PALM2AKAP2: variants seen among roughly 807,000 people sequenced by gnomAD.
PALM2AKAP2 encodes PALM2-AKAP2 fusion protein.
In PALM2AKAP2, 37 loss-of-function variants were observed where a neutral mutation model predicts 71.5. The observed-to-expected ratio is 0.52, with a 90% CI of 0.40 to 0.68. The LOEUF is 0.68. Among genes scored for constraint, PALM2AKAP2 ranks in the 30% least tolerant of loss-of-function variants. The pLI, the probability that PALM2AKAP2 is intolerant of heterozygous loss-of-function variation, is 0.00. For missense variants in PALM2AKAP2, 1,224 were observed against 1,191.8 expected (o/e 1.03, Z -0.40); for synonymous variants, 468 against 478.8 (o/e 0.98, Z 0.29).
At chr9:110,029,934 C>A (rs1045148052) in intron 7 of PALM2AKAP2, among the ~76,000 whole-genome samples, 1 of 152,188 alleles carries the variant, frequency 6.6e-6, no homozygotes, top group African/African-American at 2.4e-5. Flanking sequence ...TGTCCTTCTG[C>A]AACTGGTCAG....
intron 6 of PALM2AKAP2, among the ~76,000 whole-genome samples, chr9:109,959,401 T>G (rs1222956637): frequency 6.6e-6 from 1 of 152,028 alleles, no homozygotes; most frequent in Non-Finnish European, 1.5e-5. Context: ...ATCCCAGCAC[T>G]TTGGAGGCCG....
chr9:109,784,028 G>A (rs2182815), intron 1 of PALM2AKAP2, among the ~76,000 whole-genome samples: 26,369 of 152,102 alleles, frequency 0.17, 2,454 homozygotes, highest in South Asian at 0.31. Flanking sequence ...GCCAAAAGAA[G>A]AGCAAGTCCA....
At position 110,162,805 on chromosome 9, in the gene PALM2AKAP2, C is replaced by T. The variant is rs148774808; in HGVS notation, c.2749-5594C>T. Among the ~76,000 whole-genome samples the T allele has an allele frequency of 1.2e-3, 182 of 152,268 alleles. 1 individual carries two copies. The highest frequency in any genetic ancestry group is 3.9e-3 in the African/African-American group (162 of 41,560). On this transcript the variant is annotated intron_variant, in intron 3 of 3. Transcript: ENST00000374525. ...GTAGCCTTAACCTCCTGGGCTCAAG[C>T]GATCCTCCTATCTCAGCCTCCCAAA...
chr9:109,897,691 A>G (rs1001654310), intron 3 of PALM2AKAP2, among the ~76,000 whole-genome samples: 2 of 152,244 alleles, frequency 1.3e-5, no homozygotes, highest in African/African-American at 4.8e-5. Context: ...AAATTTTTTC[A>G]CCAGGCATTT....
chr9:109,678,985 C>T (rs1406480475), intron 1 of PALM2AKAP2, among the ~76,000 whole-genome samples: 1 of 152,132 alleles, frequency 6.6e-6, no homozygotes, highest in Non-Finnish European at 1.5e-5. Flanking sequence ...ACGTTTAGGG[C>T]TTAGATATGC....
chr9:109,758,489 T>G (rs1360590703), intron 1 of PALM2AKAP2, among the ~76,000 whole-genome samples: 1 of 152,042 alleles, frequency 6.6e-6, no homozygotes, highest in Non-Finnish European at 1.5e-5. Context: ...CTAGCAAACT[T>G]GGTACATTTT....
chr9:109,772,845 G>A (rs1200352588), intron 1 of PALM2AKAP2, among the ~76,000 whole-genome samples: 1 of 152,226 alleles, frequency 6.6e-6, no homozygotes, highest in East Asian at 1.9e-4. Context: ...CGGGCCGGGT[G>A]TAGTGGTTCA....
intron 3 of PALM2AKAP2, among the ~76,000 whole-genome samples, 178 bp downstream of exon 10, chr9:110,162,310 G>A (rs914312569): frequency 1.5e-4 from 23 of 152,268 alleles, no homozygotes; most frequent in African/African-American, 5.5e-4. Flanking sequence ...TGGAGTCCAT[G>A]CAACAGTGAT....
At chr9:109,677,460 G>T (rs1328986176) in intron 1 of PALM2AKAP2, among the ~76,000 whole-genome samples, 1 of 152,132 alleles carries the variant, frequency 6.6e-6, no homozygotes, top group East Asian at 1.9e-4. Flanking sequence ...CTGAGCTCAG[G>T]AGTTGAAGAC....
chr9:109,971,436 C>G (rs1482557590), intron 6 of PALM2AKAP2, among the ~76,000 whole-genome samples: 1 of 151,924 alleles, frequency 6.6e-6, no homozygotes, highest in Non-Finnish European at 1.5e-5. Flanking sequence ...TGAATTGCCT[C>G]TCAGGTCTGA....
chr9:109,937,330 AC>A (rs776328249), intron 6 of PALM2AKAP2, among the ~76,000 whole-genome samples: 1 of 152,114 alleles, frequency 6.6e-6, no homozygotes, highest in Non-Finnish European at 1.5e-5. Flanking sequence ...GGAATTCTCA[AC>A]CTCAACTTAA....
chr9:109,860,315 A>G (rs920569513), intron 1 of PALM2AKAP2, among the ~76,000 whole-genome samples: 2 of 152,236 alleles, frequency 1.3e-5, no homozygotes, highest in African/African-American at 4.8e-5. Flanking sequence ...AAAGGTAATT[A>G]TAACCCAACC....
At chr9:109,934,124 T>C (rs1308722749) in intron 6 of PALM2AKAP2, among the ~76,000 whole-genome samples, 1 of 152,222 alleles carries the variant, frequency 6.6e-6, no homozygotes, top group Non-Finnish European at 1.5e-5. Flanking sequence ...AATCATTGCT[T>C]TTCAGAATTA....
At chr9:109,968,531 G>A (rs1832000357) in intron 6 of PALM2AKAP2, among the ~76,000 whole-genome samples, 2 of 152,144 alleles carry the variant, frequency 1.3e-5, no homozygotes, top group South Asian at 4.2e-4. Flanking sequence ...CAAGACAAAA[G>A]TCCCTGTCTC....
intron 6 of PALM2AKAP2, chr9:109,943,607 T>C (rs1256789041): frequency 1.9e-5 from 15 of 777,392 alleles, no homozygotes; most frequent in Non-Finnish European, 3.1e-5. Flanking sequence ...AACGTGCATG[T>C]GTGTGCTTCA....
intron 1 of PALM2AKAP2, among the ~76,000 whole-genome samples, chr9:109,807,315 A>G (rs1475527928): frequency 2.6e-5 from 4 of 152,190 alleles, no homozygotes; most frequent in Non-Finnish European, 4.4e-5. Flanking sequence ...TTGGTCTGAT[A>G]CCTAGGTGGA....
intron 1 of PALM2AKAP2, among the ~76,000 whole-genome samples, chr9:110,057,041 C>T (rs1026122093): frequency 4.6e-5 from 7 of 151,984 alleles, no homozygotes; most frequent in South Asian, 2.1e-4. Context: ...TTCCCAGGGA[C>T]GCCTTGTCCT....
intron 1 of PALM2AKAP2, among the ~76,000 whole-genome samples, chr9:109,785,571 A>G (rs771198015): frequency 6.6e-6 from 1 of 152,214 alleles, no homozygotes; most frequent in Non-Finnish European, 1.5e-5. Flanking sequence ...AGGCCTCACA[A>G]TCATGGCAGA....
At chr9:109,941,564 G>A (rs1286971287) in intron 6 of PALM2AKAP2, among the ~76,000 whole-genome samples, 1 of 152,210 alleles carries the variant, frequency 6.6e-6, no homozygotes, top group African/African-American at 2.4e-5. Flanking sequence ...AGAAGAAGCT[G>A]GAGTCAGTTT....
Sources: gnomAD v4.1 joint callset for allele counts (sites outside exome capture counted in the v4.1 genomes callset) on GRCh38, gnomAD v4.1.1 for gene constraint, MANE v1.5 for transcripts, NCBI Gene and HGNC (gene_info 2026-07-23, HGNC 2026-07-21) for gene names.